The following CNGB3 variants were observed in gnomAD, a reference collection of about 807,000 sequenced individuals.
CNGB3 encodes the protein cyclic nucleotide gated channel subunit beta 3.
A neutral mutation model predicts 92.8 loss-of-function variants in CNGB3; 86 were observed. The observed-to-expected ratio is 0.93, with a 90% confidence interval of 0.78 to 1.11. CNGB3 has a LOEUF of 1.11. CNGB3 is among the 50% of genes least tolerant of loss of function. The pLI is 0.00. For missense variants in CNGB3, 1,026 were observed against 956.8 expected, an observed-to-expected ratio of 1.07 and a Z score of -0.95; for synonymous variants, 333 against 332.7, an observed-to-expected ratio of 1.00 and a Z score of -0.01.
intron 3 of CNGB3, among the ~76,000 whole-genome samples, chr8:86,673,185 T>C (rs1017758290): frequency 1.3e-5 from 2 of 152,222 alleles, no homozygotes; most frequent in African/African-American, 4.8e-5. Flanking sequence ...TGTCAATCCA[T>C]AGCTAATGGT....
chr8:86,705,826 G>A (rs1461972929), intron 3 of CNGB3, among the ~76,000 whole-genome samples: 1 of 152,176 alleles, frequency 6.6e-6, no homozygotes, highest in Non-Finnish European at 1.5e-5. Context: ...CCAATGCATG[G>A]AGTTAGTTTA....
chr8:86,609,013 C>T (rs558363836), intron 14 of CNGB3, among the ~76,000 whole-genome samples: 1 of 152,282 alleles, frequency 6.6e-6, no homozygotes, highest in African/African-American at 2.4e-5. Context: ...GAGAAGCCCA[C>T]CGACCCTGTG....
chr8:86,664,309 C>A (rs189341709), intron 6 of CNGB3, among the ~76,000 whole-genome samples: 14 of 152,276 alleles, frequency 9.2e-5, no homozygotes, highest in African/African-American at 3.1e-4. Context: ...TAATTTAAGA[C>A]CTTCTGAAGA....
intron 15 of CNGB3, among the ~76,000 whole-genome samples, chr8:86,598,139 C>G (rs1463880626): frequency 6.6e-6 from 1 of 152,154 alleles, no homozygotes; most frequent in Non-Finnish European, 1.5e-5. Context: ...CTAAAAATGG[C>G]ATGAAAACAT....
At chr8:86,710,064 G>A (rs1048111396) in intron 3 of CNGB3, among the ~76,000 whole-genome samples, 1 of 152,108 alleles carries the variant, frequency 6.6e-6, no homozygotes, top group Non-Finnish European at 1.5e-5. Flanking sequence ...ACCTTGGTTT[G>A]CCAACTCACA....
intron 8 of CNGB3, among the ~76,000 whole-genome samples, chr8:86,646,586 C>T (rs575665741): frequency 5.3e-5 from 8 of 151,198 alleles, no homozygotes; most frequent in African/African-American, 1.9e-4. Context: ...TGTGTAGCCT[C>T]AAGTGTGTAT....
Position 86,654,026 on chromosome 8 carries a change from A to G in CNGB3, c.889T>C (p.Ser297Pro), listed in dbSNP as rs74602293. 25 of 1,601,020 alleles carry G rather than the reference A, an allele frequency of 1.6e-5. No individual in the cohort carries two copies. The highest frequency in any genetic ancestry group is 2.1e-5 in the Non-Finnish European group (24 of 1,168,404). Residue 297 changes from serine (S) to proline (P), a missense_variant, in exon 7 of 18, where the codon TCT becomes CCT. Transcript: ENST00000320005. ...TTGTCACCTACCTGAAATTTTGTAG[A>G]AGTCCTGTAGTGTTTCCTTAGCTCA... ...SNELRKHYRT[S>P]TKFQLDVASI...
chr8:86,623,987 T>C (rs1342383056), intron 13 of CNGB3, among the ~76,000 whole-genome samples: 1 of 152,218 alleles, frequency 6.6e-6, no homozygotes. Flanking sequence ...ATAACTTCCA[T>C]TTGGCCTCCC....
chr8:86,707,308 A>G (rs578031779), intron 3 of CNGB3, among the ~76,000 whole-genome samples: 2 of 152,356 alleles, frequency 1.3e-5, no homozygotes, highest in African/African-American at 4.8e-5. Context: ...ATAAACTTAA[A>G]AAATATAGAA....
At chr8:86,722,374 G>A (rs1403749699) in intron 3 of CNGB3, among the ~76,000 whole-genome samples, 1 of 152,160 alleles carries the variant, frequency 6.6e-6, no homozygotes, top group Admixed American at 6.5e-5. Context: ...GACTTCACAG[G>A]GGTGAACCCT....
chr8:86,578,714 T>C lies in CNGB3; in HGVS notation c.2078A>G (p.Lys693Arg). Residue 693 changes from lysine (K) to arginine (R), a missense_variant, in exon 17 of 18, where the codon AAA becomes AGA. Physicochemically the swap from Lys to Arg is conservative, Grantham distance 26 (BLOSUM62 2). Coordinates refer to ENST00000320005, the MANE Select transcript of CNGB3 (RefSeq NM_019098.5). ...CTGAGCTGCTTGCTCTCGCTTCAAT[T>C]TGAGTAGTCTTGCAAGACTTGCTTT... ...TGKASLARLL[K>R]LKREQAAQKK... 6.2e-7 allele frequency: 1 copy of C among 1,614,082 alleles called. No homozygotes were observed. The highest frequency in any genetic ancestry group is 1.1e-5 in the South Asian group (1 of 91,066).
intron 3 of CNGB3, among the ~76,000 whole-genome samples, chr8:86,685,043 G>C (rs1167073597): frequency 2.6e-5 from 4 of 152,022 alleles, no homozygotes; most frequent in African/African-American, 9.7e-5. Flanking sequence ...TCAACATCCT[G>C]GTTGTGAATT....
chr8:86,661,882 C>A, intron 6 of CNGB3: 1 of 939,862 alleles, frequency 1.1e-6, no homozygotes, highest in South Asian at 1.3e-5. Context: ...TCATCACAGT[C>A]CACAAACCAT....
chr8:86,650,900 A>G (rs1295266903), intron 7 of CNGB3, among the ~76,000 whole-genome samples: 16 of 151,854 alleles, frequency 1.1e-4, no homozygotes, highest in Admixed American at 9.8e-4. Context: ...CTGCAAAAAT[A>G]TGGAACTAAC....
chr8:86,699,608 A>G (rs1316063141), intron 3 of CNGB3, among the ~76,000 whole-genome samples: 2 of 152,232 alleles, frequency 1.3e-5, no homozygotes, highest in Non-Finnish European at 1.5e-5. Context: ...GTTCATGACA[A>G]TGTCCTGACA....
rs536162870 is a variant in CNGB3, at chr8:86,706,308, G to T, written c.338+20223C>A. On this transcript the variant is annotated intron_variant, in intron 3 of 17. Coordinates refer to ENST00000320005, the MANE Select transcript of CNGB3 (RefSeq NM_019098.5). Reference sequence around the variant, plus strand: ...TAATGTCTGAACAAGACCTATTTAAGTCTACATGAACCATATGTTACATTT... The same window carrying T: ...TAATGTCTGAACAAGACCTATTTAATTCTACATGAACCATATGTTACATTT... Among the ~76,000 whole-genome samples, 6 of 152,278 alleles carry T rather than the reference G, an allele frequency of 3.9e-5. No individual in the cohort carries two copies. In the South Asian group the frequency reaches 1.2e-3, roughly 32 times the overall value.
At chr8:86,579,050 AG>A in intron 16 of CNGB3, 55 bp downstream of exon 16, 1 of 1,606,850 alleles carries the variant, frequency 6.2e-7, no homozygotes, top group South Asian at 1.1e-5. Context: ...CCTATCTCAG[AG>A]TTTACAAAGT....
chr8:86,591,018 T>C (rs1183625145), intron 15 of CNGB3, among the ~76,000 whole-genome samples: 1 of 152,222 alleles, frequency 6.6e-6, no homozygotes, highest in Admixed American at 6.5e-5. Flanking sequence ...GTCCCATATT[T>C]CTTCAAGGCT....
In CNGB3 at chr8:86,677,301, T is replaced by A. The variant is rs530073832; in HGVS notation, c.339-6203A>T. On this transcript the variant is annotated intron_variant, in intron 3 of 17. Transcript: ENST00000320005. ...GAGTTAGCAAAGCAGATAATTATGA[T>A]AACATATGGACAACTCATATGGAAG... is the stretch of plus-strand genomic sequence containing the variant. 5.3e-5 allele frequency among the ~76,000 whole-genome samples: 8 copies of A among 152,330 alleles called. No individual in the cohort carries two copies. In the East Asian group the frequency reaches 1.5e-3, roughly 29 times the overall value.
Sources: gnomAD v4.1 joint callset for allele counts (sites outside exome capture counted in the v4.1 genomes callset) on GRCh38, gnomAD v4.1.1 for gene constraint, MANE v1.5 for transcripts, NCBI Gene and HGNC (gene_info 2026-07-23, HGNC 2026-07-21) for gene names.